Variants in FYCO1 observed in about 807,000 individuals in gnomAD.
FYCO1 encodes the protein FYVE and coiled-coil domain autophagy adaptor 1, also known as FYVE and coiled-coil domain-containing protein 1.
A neutral mutation model predicts 165.1 loss-of-function variants in FYCO1; 122 were observed. That is an observed-to-expected ratio of 0.74 (90% CI 0.64 to 0.86). FYCO1 has a LOEUF of 0.86. Among genes scored for constraint, FYCO1 ranks in the 40% least tolerant of loss-of-function variants. The pLI, the probability that FYCO1 is intolerant of heterozygous loss-of-function variation, is 0.00. For synonymous variants in FYCO1, 648 were observed against 742.5 expected (o/e 0.87, Z 2.07); for missense variants, 1,702 against 1,810.3 (o/e 0.94, Z 1.09).
chr3:45,946,830 A>C, intron 14 of FYCO1: 2 of 1,614,232 alleles, frequency 1.2e-6, no homozygotes, highest in Non-Finnish European at 1.7e-6. Flanking sequence ...CTACACGTCC[A>C]TGCTCATCCT....
chr3:45,991,209 G>A (rs191829931), intron 1 of FYCO1, among the ~76,000 whole-genome samples: 3 of 152,310 alleles, frequency 2.0e-5, no homozygotes, highest in Non-Finnish European at 4.4e-5. Flanking sequence ...ACATTATGTT[G>A]TAATTATTGT....
intron 16 of FYCO1, among the ~76,000 whole-genome samples, chr3:45,929,768 A>T (rs548534853): frequency 1.3e-5 from 2 of 152,338 alleles, no homozygotes; most frequent in Non-Finnish European, 2.9e-5. Flanking sequence ...CCAAGGGAGT[A>T]GAGTTACATT....
At chr3:45,922,455 C>T (rs560828286) in intron 17 of FYCO1, among the ~76,000 whole-genome samples, 3 of 152,276 alleles carry the variant, frequency 2.0e-5, no homozygotes, top group Admixed American at 6.5e-5. Flanking sequence ...AACTAAGGGC[C>T]GCTGGGGGAA....
At chr3:45,989,285 A>C (rs1707459711) in intron 1 of FYCO1, among the ~76,000 whole-genome samples, 2 of 152,218 alleles carry the variant, frequency 1.3e-5, no homozygotes, top group Admixed American at 1.3e-4. Context: ...AAAAGGCAGA[A>C]AAGCCTTTCT....
rs1318900466 is a variant in FYCO1, at chr3:45,919,133, G to A, written c.*2632C>T. 6.6e-6 allele frequency: 1 copy of A among 150,930 alleles called. No individual in the cohort carries two copies. Among genetic ancestry groups the A allele is most frequent in the East Asian group, 1.9e-4 (1 of 5,172 alleles). 9.3% of individuals were successfully genotyped at this position (150,930 alleles called of 1,614,324 possible). A position where few individuals can be genotyped will look rare whatever the true frequency, so the allele number is the denominator to read the frequency against. On this transcript the variant is annotated 3_prime_UTR_variant, in exon 18 of 18. Coordinates refer to ENST00000296137, the MANE Select transcript of FYCO1 (RefSeq NM_024513.4). ...CGCTTCCTTCTGGCTGATTTCTAGT[G>A]TAATTCAGTCTAGCCAGGGCTACCA...
intron 14 of FYCO1, among the ~76,000 whole-genome samples, chr3:45,944,008 C>A (rs1704416953): frequency 6.6e-6 from 1 of 152,056 alleles, no homozygotes; most frequent in Non-Finnish European, 1.5e-5. Context: ...CCCATAATTC[C>A]ACCAGCTGGA....
At chr3:45,936,375 G>T in intron 15 of FYCO1, 73 bp downstream of exon 15, 1 of 995,680 alleles carries the variant, frequency 1.0e-6, no homozygotes, top group Non-Finnish European at 1.6e-6. Flanking sequence ...GGTCCCCAGC[G>T]CCGGCACTGG....
intron 14 of FYCO1, chr3:45,948,022 A>G (rs1375658092): frequency 1.2e-5 from 2 of 171,090 alleles, no homozygotes; most frequent in African/African-American, 2.4e-5. Context: ...TGACTTTTGT[A>G]TAGGTAGATG....
At chr3:45,922,187 T>C (rs1703118968) in intron 17 of FYCO1, among the ~76,000 whole-genome samples, 3 of 152,324 alleles carry the variant, frequency 2.0e-5, no homozygotes, top group Admixed American at 6.5e-5. Flanking sequence ...AGGAGGCATA[T>C]GGTGGAGGCC....
rs1706964663 is a variant in FYCO1 at position 45,979,937 on chromosome 3, G to A, written c.163-107C>T. The A allele has an allele frequency of 5.1e-6, 7 of 1,363,088 alleles. No homozygotes were observed. The African/African-American group carries it at 7.2e-5, about 14-fold the overall frequency. 84.4% of individuals were successfully genotyped at this position (1,363,088 alleles called of 1,614,324 possible). A position where few individuals can be genotyped will look rare whatever the true frequency, so the allele number is the denominator to read the frequency against. On this transcript the variant is annotated intron_variant, in intron 3 of 17. Coordinates refer to ENST00000296137, the MANE Select transcript of FYCO1 (RefSeq NM_024513.4). ...AGCTTCTTAGGTGCCAGCACTGGGTGAGGCCCTTTATTGGCATTATTTTTA... is the reference window on the plus strand; with the variant it reads ...AGCTTCTTAGGTGCCAGCACTGGGTAAGGCCCTTTATTGGCATTATTTTTA...
rs1414353308 is a variant in FYCO1 at position 45,923,933 on chromosome 3, C to T, written c.4252-168G>A. Among the ~76,000 whole-genome samples, 6 of 152,210 alleles carry T rather than the reference C, an allele frequency of 3.9e-5. No homozygotes were observed. In the East Asian group the frequency reaches 1.2e-3, roughly 29 times the overall value. ...CCCCAGTAGTGGCACAGTGCCATCCCACAACCTGAGGCTGTTGATGACTCG... is the reference window on the plus strand; with the variant it reads ...CCCCAGTAGTGGCACAGTGCCATCCTACAACCTGAGGCTGTTGATGACTCG... On this transcript the variant is annotated intron_variant, in intron 16 of 17. Transcript: ENST00000296137.
chr3:45,957,276 A>G (rs1228186566), intron 13 of FYCO1, among the ~76,000 whole-genome samples: 4 of 152,272 alleles, frequency 2.6e-5, no homozygotes, highest in African/African-American at 9.6e-5. Context: ...GCCTAAATGT[A>G]TAAGCTAAAG....
rs187748342 is a variant in FYCO1, at chr3:45,962,515, A to G, written c.3270-123T>C. 9.8e-4 allele frequency: 841 copies of G among 858,778 alleles called. 5 individuals carry two copies. The African/African-American group carries it at 0.012, about 13-fold the overall frequency. The allele number at this position is 858,778 out of a possible 1,614,324, so 53.2% of individuals were successfully genotyped here. On this transcript the variant is annotated intron_variant, in intron 10 of 17. Transcript: ENST00000296137. This position sits in a 1 kb window ranked among gnomAD's most constrained non-coding sequence, Gnocchi z 4.4. ...CTCCGCCATGGGGGAGCCCCTTGGT[A>G]TCTGCTCACAGCTTATGCAGTCCCC...
intron 14 of FYCO1, among the ~76,000 whole-genome samples, chr3:45,948,632 C>A (rs941191447): frequency 6.6e-6 from 1 of 152,206 alleles, no homozygotes; most frequent in African/African-American, 2.4e-5. Flanking sequence ...TAAATCCTGG[C>A]AGTCTGTTCA....
In FYCO1 at chr3:45,921,457, T is replaced by C. The variant is rs2291471; in HGVS notation, c.*308A>G. On this transcript the variant is annotated 3_prime_UTR_variant, in exon 18 of 18. Transcript: ENST00000296137. ...TCCACAAGAGGCCTGTAGCCAACTG[T>C]GCTCCCAGGAGAGGCTGATGGTCTC... 0.085 allele frequency: 33,320 copies of C among 392,828 alleles called. 2,048 individuals carry two copies. Among genetic ancestry groups the C allele is most frequent in the East Asian group, 0.29 (4,968 of 17,128 alleles). The allele number at this position is 392,828 out of a possible 1,614,324, so 24.3% of individuals were successfully genotyped here.
chr3:45,925,817 GAA>G (rs1382251228), intron 16 of FYCO1, among the ~76,000 whole-genome samples: 1 of 152,160 alleles, frequency 6.6e-6, no homozygotes, highest in Non-Finnish European at 1.5e-5. Context: ...AAACTTCTTG[GAA>G]AAAGTGATGC....
In FYCO1 at chr3:45,966,866, T is replaced by G. The variant is rs1223038973; in HGVS notation, c.2468A>C (p.His823Pro). 6.2e-7 allele frequency: 1 copy of G among 1,612,872 alleles called. No homozygotes were observed. Among genetic ancestry groups the G allele is most frequent in the Non-Finnish European group, 8.5e-7 (1 of 1,180,038 alleles). ...LSMAEAVLRE[H>P]KTLVQQLKEQ... is the part of the protein sequence containing the mutation. ...CTTCAGCTGCTGCACAAGGGTTTTG[T>G]GCTCCCTCAGGACGGCCTCAGCCAT... is the stretch of plus-strand genomic sequence containing the variant. The change falls in exon 8 of 18, where the codon CAC becomes CCC. Residue 823 changes from histidine (H) to proline (P), a missense_variant. Physicochemically the swap from His to Pro is moderately conservative, Grantham distance 77. Transcript: ENST00000296137.
chr3:45,938,557 G>A (rs536684346), intron 14 of FYCO1, among the ~76,000 whole-genome samples: 275 of 152,324 alleles, frequency 1.8e-3, no homozygotes, highest in African/African-American at 5.9e-3. Context: ...GCCATGGCAC[G>A]ATCTTGGCTT....
intron 2 of FYCO1, 73 bp downstream of exon 2, chr3:45,984,783 A>C: frequency 6.7e-7 from 1 of 1,489,158 alleles, no homozygotes; most frequent in Non-Finnish European, 9.4e-7. Flanking sequence ...GTTGAATTTC[A>C]ACTGGCAACA....
Sources: allele counts gnomAD v4.1 joint callset (sites outside exome capture counted in the v4.1 genomes callset), GRCh38; gene constraint gnomAD v4.1.1; non-coding constraint Gnocchi (gnomAD v3.1); transcripts MANE v1.5; gene names NCBI Gene and HGNC (gene_info 2026-07-23, HGNC 2026-07-21).